Variants in CCDC148 observed in about 807,000 individuals in gnomAD.
The protein encoded by CCDC148 is coiled-coil domain containing 148, also known as coiled-coil domain-containing protein 148.
In CCDC148, 89 loss-of-function variants were observed where a neutral mutation model predicts 85.7. The observed-to-expected ratio is 1.04, with a 90% confidence interval of 0.87 to 1.24. The LOEUF is 1.24. CCDC148 is among the 50% of genes most tolerant of loss of function. The pLI is 0.00. For missense variants in CCDC148, 692 were observed against 671.7 expected, an observed-to-expected ratio of 1.03 and a Z score of -0.33; for synonymous variants, 230 against 213.9, an observed-to-expected ratio of 1.08 and a Z score of -0.66.
chr2:158,406,626 T>TTTTTTTTTG (rs1553518881), intron 1 of CCDC148, among the ~76,000 whole-genome samples: 31 of 29,828 alleles, frequency 1.0e-3, no homozygotes, highest in East Asian at 7.5e-3. Context: ...TTTTTTTTTT[T>TTTTTTTTTG]TTTTTTTTTT....
rs532406035 is a variant in CCDC148, at chr2:158,394,513, TAATA to T, written c.26-35947_26-35944del. Among the ~76,000 whole-genome samples the T allele has an allele frequency of 4.0e-3, 606 of 152,146 alleles. 2 individuals carry two copies. Among genetic ancestry groups the T allele is most frequent in the African/African-American group, 0.014 (581 of 41,532 alleles). ...TAGGGCTGTTTTGGGCAAAGCTGTC[TAATA>T]AATAACAGTCAGTACTAAGGTTTAA... On this transcript the variant is annotated intron_variant, in intron 1 of 13. Transcript: ENST00000283233.
chr2:158,247,185 A>T (rs1489409169), intron 10 of CCDC148, among the ~76,000 whole-genome samples: 1 of 152,226 alleles, frequency 6.6e-6, no homozygotes, highest in African/African-American at 2.4e-5. Context: ...ATGGATTTTA[A>T]AAGTATGAAT....
intron 7 of CCDC148, among the ~76,000 whole-genome samples, chr2:158,329,929 AG>A (rs1266239199): frequency 6.6e-6 from 1 of 152,202 alleles, no homozygotes; most frequent in Non-Finnish European, 1.5e-5. Flanking sequence ...GGGGTTTTCT[AG>A]ATATAAAATA....
At chr2:158,447,810 A>T (rs1001879429) in intron 1 of CCDC148, among the ~76,000 whole-genome samples, 5 of 152,162 alleles carry the variant, frequency 3.3e-5, no homozygotes, top group Non-Finnish European at 5.9e-5. Context: ...CAGATATTTG[A>T]CCTAGGAATT....
At chr2:158,194,471 T>G (rs1447724370) in intron 11 of CCDC148, among the ~76,000 whole-genome samples, 2 of 152,184 alleles carry the variant, frequency 1.3e-5, no homozygotes, top group Non-Finnish European at 2.9e-5. Flanking sequence ...TTAATTATAC[T>G]GTTGTATTTC....
At chr2:158,341,674 G>T (rs1306287092) in intron 3 of CCDC148, among the ~76,000 whole-genome samples, 1 of 151,790 alleles carries the variant, frequency 6.6e-6, no homozygotes, top group Non-Finnish European at 1.5e-5. Context: ...CTCTAAATGG[G>T]CATCCAAAAA....
intron 1 of CCDC148, among the ~76,000 whole-genome samples, chr2:158,396,036 G>A (rs1362521017): frequency 9.2e-5 from 14 of 152,138 alleles, no homozygotes; most frequent in East Asian, 7.8e-4. Flanking sequence ...TGGCCAATAC[G>A]GAAGATTATA....
At chr2:158,308,167 G>A (rs909884971) in intron 9 of CCDC148, among the ~76,000 whole-genome samples, 4 of 152,150 alleles carry the variant, frequency 2.6e-5, no homozygotes, top group Non-Finnish European at 4.4e-5. Context: ...ATTGTTGACC[G>A]TTTTTGACCT....
chr2:158,434,266 C>T (rs1224636087), intron 1 of CCDC148, among the ~76,000 whole-genome samples: 1 of 152,076 alleles, frequency 6.6e-6, no homozygotes, highest in East Asian at 1.9e-4. Flanking sequence ...CCCTCTGAGA[C>T]GAAGTGTCCA....
chr2:158,280,177 A>C (rs946740625), intron 9 of CCDC148, among the ~76,000 whole-genome samples: 2 of 152,262 alleles, frequency 1.3e-5, no homozygotes, highest in Admixed American at 6.5e-5. Flanking sequence ...AAATCATGCC[A>C]AAATGTAAAG....
intron 1 of CCDC148, among the ~76,000 whole-genome samples, chr2:158,374,983 T>C (rs1332952402): frequency 1.5e-5 from 2 of 135,106 alleles, no homozygotes; most frequent in Non-Finnish European, 3.5e-5. Context: ...TGTATTTTTG[T>C]TGTTCTATGT....
intron 13 of CCDC148, among the ~76,000 whole-genome samples, chr2:158,176,291 G>A (rs1462804120): frequency 1.3e-5 from 2 of 151,874 alleles, no homozygotes; most frequent in African/African-American, 4.8e-5. Context: ...TTCAATGACA[G>A]ATTTATAACA....
At chr2:158,227,857 G>C (rs1434292065) in intron 10 of CCDC148, among the ~76,000 whole-genome samples, 3 of 152,120 alleles carry the variant, frequency 2.0e-5, no homozygotes, top group African/African-American at 7.2e-5. Flanking sequence ...AAAAACCCTA[G>C]AAGAAAACCT....
chr2:158,224,796 A>G (rs564375324), intron 10 of CCDC148, among the ~76,000 whole-genome samples: 3 of 152,176 alleles, frequency 2.0e-5, no homozygotes, highest in Non-Finnish European at 4.4e-5. Context: ...AAGAGCTCCT[A>G]AAGGAAGCAC....
chr2:158,431,488 TAA>T (rs762125420), intron 1 of CCDC148, among the ~76,000 whole-genome samples: 3 of 146,946 alleles, frequency 2.0e-5, no homozygotes, highest in Non-Finnish European at 3.0e-5. Context: ...AGGTGTTTTT[TAA>T]AAAAAAAAAA....
At chr2:158,364,080 A>T (rs1259852657) in intron 1 of CCDC148, among the ~76,000 whole-genome samples, 6 of 152,208 alleles carry the variant, frequency 3.9e-5, no homozygotes, top group African/African-American at 1.2e-4. Flanking sequence ...AGAGAATAAA[A>T]TACCTAGGAA....
At chr2:158,370,336 G>A (rs998951252) in intron 1 of CCDC148, among the ~76,000 whole-genome samples, 11 of 151,894 alleles carry the variant, frequency 7.2e-5, no homozygotes, top group African/African-American at 2.7e-4. Context: ...GAAACATCTT[G>A]GATGTGGTAT....
intron 1 of CCDC148, among the ~76,000 whole-genome samples, chr2:158,421,874 C>A (rs542174282): frequency 5.5e-4 from 83 of 152,084 alleles, no homozygotes; most frequent in African/African-American, 1.9e-3. Context: ...AGAGAAGAAT[C>A]AAATAGACGC....
rs1251923790 is a variant in CCDC148, at chr2:158,185,423, G to C, written c.1371-6427C>G. The stretch of plus-strand genomic sequence containing the variant: ...TCGAAGGCGTCTCAGCCTTTAAATA[G>C]AGATATGAACCACCTTCTTTGAGAA... On this transcript the variant is annotated intron_variant, in intron 11 of 13. Coordinates refer to ENST00000283233, the MANE Select transcript of CCDC148 (RefSeq NM_138803.4). 2.0e-5 allele frequency among the ~76,000 whole-genome samples: 3 copies of C among 152,152 alleles called. No individual in the cohort carries two copies. The East Asian group carries it at 5.8e-4, about 29-fold the overall frequency.
Sources: gnomAD v4.1 joint callset for allele counts (sites outside exome capture counted in the v4.1 genomes callset) on GRCh38, gnomAD v4.1.1 for gene constraint, MANE v1.5 for transcripts, NCBI Gene and HGNC (gene_info 2026-07-23, HGNC 2026-07-21) for gene names.